Variants in HYI observed in about 807,000 individuals in gnomAD.
HYI encodes the protein hydroxypyruvate isomerase (putative).
A neutral mutation model predicts 39.7 loss-of-function variants in HYI; 47 were observed. That is an observed-to-expected ratio of 1.18 (90% confidence interval 0.94 to 1.51). The LOEUF (loss-of-function observed/expected upper bound fraction) is 1.51, where lower values mean the gene tolerates loss of function less well. Ranked by LOEUF, HYI falls within the 40% of genes most tolerant of loss-of-function variation. The pLI is 0.00. For missense variants in HYI, 465 were observed against 370.3 expected, an observed-to-expected ratio of 1.26 and a Z score of -2.10; for synonymous variants, 186 against 158.8, an observed-to-expected ratio of 1.17 and a Z score of -1.29.
intron 2 of HYI, chr1:43,452,903 A>G (rs1656595598): frequency 1.3e-6 from 2 of 1,599,388 alleles, no homozygotes; most frequent in South Asian, 1.1e-5. Context: ...GGCTACATAC[A>G]TGTCCAGCCT....
chr1:43,453,075 C>G, intron 2 of HYI: 3 of 899,396 alleles, frequency 3.3e-6, no homozygotes, highest in South Asian at 2.8e-5. Flanking sequence ...GGTGCCTACC[C>G]TGCTCCCACA....
At chr1:43,450,848 A>T (rs1202132349), downstream of HYI, 1 of 710,734 alleles carries the variant, frequency 1.4e-6, no homozygotes, top group Non-Finnish European at 2.6e-6. This position sits in a 1 kb window ranked among gnomAD's most constrained non-coding sequence, Gnocchi z 4.3. Flanking sequence ...GCCTTTGACC[A>T]CTGTCAGCCA....
Position 43,451,535 on chromosome 1 carries a change from T to G in HYI, c.635A>C (p.Gln212Pro). The change falls in exon 7 of 8, where the codon CAG becomes CCG. Residue 212 changes from glutamine (Q) to proline (P), a missense_variant. Physicochemically the swap from Gln to Pro is moderately conservative, Grantham distance 76 (BLOSUM62 -1). Transcript: ENST00000372430. The stretch of plus-strand genomic sequence containing the variant: ...CCCTCGGCCTGGGACCTGTGCCACC[T>G]GCACATGCCCTGGGGACAGATGTGG... ...REFLPIVGHV[Q>P]VAQVPGRGEP... The G allele has an allele frequency of 1.2e-6, 2 of 1,614,016 alleles. No individual in the cohort carries two copies. Among genetic ancestry groups the G allele is most frequent in the Non-Finnish European group, 1.7e-6 (2 of 1,179,964 alleles).
chr1:43,453,621 C>T lies in HYI; in HGVS notation c.173G>A (p.Arg58Gln), dbSNP rs1222145303. 10 of 1,500,114 alleles carry T rather than the reference C, an allele frequency of 6.7e-6. No individual in the cohort carries two copies. The Admixed American group carries it at 9.1e-5, about 14-fold the overall frequency. The allele number at this position is 1,500,114 out of a possible 1,614,324, so 92.9% of individuals were successfully genotyped here. ...CGGGGGCGTGTTGATCAGTACAAGC[C>T]GCAGCCCCGCTTCTCGCGCGGCGCG... ...LARAAREAGL[R>Q]LVLINTPPGD... The change falls in exon 1 of 8, where the codon CGG (arginine) becomes CAG (glutamine). Residue 58 changes from arginine (R) to glutamine (Q), a missense_variant. Arg to Gln is a conservative substitution (Grantham distance 43, BLOSUM62 1). Coordinates refer to ENST00000372430, the MANE Select transcript of HYI (RefSeq NM_001190880.3).
In HYI at chr1:43,453,768, T is replaced by C. The variant is rs1325311683; in HGVS notation, c.26A>G (p.Asn9Ser). 4 of 1,299,934 alleles carry C rather than the reference T, an allele frequency of 3.1e-6. No individual in the cohort carries two copies. The highest frequency in any genetic ancestry group is 3.1e-5 in the East Asian group (1 of 32,578). The allele number at this position is 1,299,934 out of a possible 1,614,324, so 80.5% of individuals were successfully genotyped here. Residue 9 changes from asparagine (N) to serine (S), a missense_variant, in exon 1 of 8, where the codon AAT (asparagine) becomes AGT (serine). Coordinates refer to ENST00000372430, the MANE Select transcript of HYI (RefSeq NM_001190880.3). ...GAGCTCGGGGAATAGCCAGGACAGA[T>C]TGGCGGAGAAGCGCAGCGGCGCCAT... Reference protein sequence around the residue: MAPLRFSANLSWLFPELSG... With the variant: MAPLRFSASLSWLFPELSG...
downstream of HYI, chr1:43,450,933 C>T (rs1656319688): frequency 1.3e-6 from 1 of 756,154 alleles, no homozygotes; most frequent in Non-Finnish European, 2.4e-6. This position sits in a 1 kb window ranked among gnomAD's most constrained non-coding sequence, Gnocchi z 4.3. Flanking sequence ...CGAGATGACA[C>T]CTGGGTTCCA....
In HYI at chr1:43,453,631, C is replaced by A. The variant is rs749053928; in HGVS notation, c.163G>T (p.Ala55Ser). The change falls in exon 1 of 8, where the codon GCG (alanine) becomes TCG (serine). Residue 55 changes from alanine to serine, a missense_variant. Coordinates refer to ENST00000372430, the MANE Select transcript of HYI (RefSeq NM_001190880.3). ...TTGATCAGTACAAGCCGCAGCCCCG[C>A]TTCTCGCGCGGCGCGCGCCAGCGCC... ...PEALARAARE[A>S]GLRLVLINTP... The A allele has an allele frequency of 5.2e-5, 77 of 1,494,524 alleles. No homozygotes were observed. Among genetic ancestry groups the A allele is most frequent in the Non-Finnish European group, 2.7e-6 (3 of 1,128,220 alleles). The allele number at this position is 1,494,524 out of a possible 1,614,324, so 92.6% of individuals were successfully genotyped here.
rs1325394167 is a variant in HYI at position 43,453,825 on chromosome 1, G to A, written c.-32C>T. The A allele has an allele frequency of 4.0e-6, 5 of 1,235,036 alleles. No individual in the cohort carries two copies. The highest frequency in any genetic ancestry group is 3.3e-5 in the East Asian group (1 of 30,586). 76.5% of individuals were successfully genotyped at this position (1,235,036 alleles called of 1,614,324 possible). A position where few individuals can be genotyped will look rare whatever the true frequency, so the allele number is the denominator to read the frequency against. ...GGAGGCCGGGCCGGGCGGAGTCCGC[G>A]GGATCCAAAGGCGGCGGGCGGCGGG... On this transcript the variant is annotated 5_prime_UTR_variant, in exon 1 of 8. Coordinates refer to ENST00000372430, the MANE Select transcript of HYI (RefSeq NM_001190880.3).
rs777511404 is a variant in HYI, at chr1:43,451,006, G to T, written c.*232C>A. 1 of 767,946 alleles carries T rather than the reference G, an allele frequency of 1.3e-6. No homozygotes were observed. The highest frequency in any genetic ancestry group is 2.4e-6 in the Non-Finnish European group (1 of 421,224). 47.6% of individuals were successfully genotyped at this position (767,946 alleles called of 1,614,324 possible). ...CAAGTCCCTTTGCTCTCGGACCCTG[G>T]GTTTCTCATCCTTTAATGAGGTGGG... On this transcript the variant is annotated 3_prime_UTR_variant, in exon 8 of 8. Coordinates refer to ENST00000372430, the MANE Select transcript of HYI (RefSeq NM_001190880.3).
chr1:43,453,646 G>A lies in HYI; in HGVS notation c.148C>T (p.Arg50Cys), dbSNP rs1163483145. The A allele has an allele frequency of 6.0e-6, 9 of 1,490,696 alleles. No homozygotes were observed. Among genetic ancestry groups the A allele is most frequent in the Middle Eastern group, 4.3e-4 (2 of 4,628 alleles). 92.3% of individuals were successfully genotyped at this position (1,490,696 alleles called of 1,614,324 possible). Residue 50 changes from arginine (R) to cysteine (C), a missense_variant, in exon 1 of 8, where the codon CGC (arginine) becomes TGC (cysteine). Coordinates refer to ENST00000372430, the MANE Select transcript of HYI (RefSeq NM_001190880.3). ...CGCAGCCCCGCTTCTCGCGCGGCGC[G>A]CGCCAGCGCCTCAGGCGTCTCCGCG... Reference protein sequence around the residue: ...PYAETPEALARAAREAGLRLV... With the variant: ...PYAETPEALACAAREAGLRLV...
chr1:43,451,838 A>C lies in HYI; in HGVS notation c.515T>G (p.Ile172Ser). ...GTTGGGTCTTCCTACCTTCTGTAAGATGGCTGCCGCTGTAAGAGAAGCCAG... is the reference window on the plus strand; with the variant it reads ...GTTGGGTCTTCCTACCTTCTGTAAGCTGGCTGCCGCTGTAAGAGAAGCCAG... ...FLDTPQQAAA[I>S]LQKVGRPNLQ... The change falls in exon 5 of 8, where the codon ATC becomes AGC. Residue 172 changes from isoleucine (I) to serine (S), a missense_variant. Coordinates refer to ENST00000372430, the MANE Select transcript of HYI (RefSeq NM_001190880.3). 1.2e-6 allele frequency: 2 copies of C among 1,614,036 alleles called. No homozygotes were observed. The highest frequency in any genetic ancestry group is 1.7e-6 in the Non-Finnish European group (2 of 1,179,966).
chr1:43,452,352 C>CAGT, intron 2 of HYI, 33 bp from the exon 3 acceptor site: 2 of 1,541,858 alleles, frequency 1.3e-6, no homozygotes, highest in Non-Finnish European at 1.8e-6. Context: ...GCCTTGCCTC[C>CAGT]CTTGGCTCTC....
chr1:43,453,603 G>A lies in HYI; in HGVS notation c.191C>T (p.Thr64Met), dbSNP rs1656701441. ...EAGLRLVLIN[T>M]PPGDQEKGEM... Reference sequence around the variant, plus strand: ...CCCGGCCCGCGACGCACCCGGGGGCGTGTTGATCAGTACAAGCCGCAGCCC... The same window carrying A: ...CCCGGCCCGCGACGCACCCGGGGGCATGTTGATCAGTACAAGCCGCAGCCC... Residue 64 changes from threonine to methionine, a missense_variant, in exon 1 of 8, where the codon ACG becomes ATG. By Grantham distance (81) the Thr-to-Met change is moderately conservative. Transcript: ENST00000372430. 1 of 1,527,686 alleles carries A rather than the reference G, an allele frequency of 6.5e-7. No individual in the cohort carries two copies. The highest frequency in any genetic ancestry group is 8.8e-7 in the Non-Finnish European group (1 of 1,138,390). The allele number at this position is 1,527,686 out of a possible 1,614,324, so 94.6% of individuals were successfully genotyped here. A position where few individuals can be genotyped will look rare whatever the true frequency, so the allele number is the denominator to read the frequency against.
At position 43,451,723 on chromosome 1, in the gene HYI, G is replaced by T. The variant is rs746076859; in HGVS notation, c.556-6C>A. The stretch of plus-strand genomic sequence containing the variant: ...ATCTGCCAGTGGAATATGTCCTAGG[G>T]AAGAGGATACTACATTCCGAGACCC... On this transcript the variant is annotated splice_polypyrimidine_tract_variant and splice_region_variant and intron_variant, in intron 5 of 7. Coordinates refer to ENST00000372430, the MANE Select transcript of HYI (RefSeq NM_001190880.3). The T allele has an allele frequency of 6.2e-7, 1 of 1,614,084 alleles. No individual in the cohort carries two copies. Among genetic ancestry groups the T allele is most frequent in the South Asian group, 1.1e-5 (1 of 91,076 alleles).
Position 43,452,306 on chromosome 1 carries a change from C to A in HYI, c.325G>T (p.Ala109Ser). 1 of 1,613,830 alleles carries A rather than the reference C, an allele frequency of 6.2e-7. No homozygotes were observed. Among genetic ancestry groups the A allele is most frequent in the Non-Finnish European group, 8.5e-7 (1 of 1,179,858 alleles). The change falls in exon 3 of 8, where the codon GCT (alanine) becomes TCT (serine). Residue 109 changes from alanine to serine, a missense_variant. Physicochemically the swap from Ala to Ser is moderately conservative, Grantham distance 99 (BLOSUM62 1). Coordinates refer to ENST00000372430, the MANE Select transcript of HYI (RefSeq NM_001190880.3). ...ALGCPRIHLMAGRVPQGADRI... is the reference protein window; with the variant it reads ...ALGCPRIHLMSGRVPQGADRI... ...TCAGCTCCCTGGGGTACTCGGCCAG[C>A]CATCAGGTGGATCCTGTGGGGAAGA...
Position 43,451,550 on chromosome 1 carries a change from G to A in HYI, c.626-6C>T. ...CTGTGCCACCTGCACATGCCCTGGG[G>A]ACAGATGTGGACAAATGTGGGGTCC... On this transcript the variant is annotated splice_region_variant and splice_polypyrimidine_tract_variant and intron_variant, in intron 6 of 7. Coordinates refer to ENST00000372430, the MANE Select transcript of HYI (RefSeq NM_001190880.3). 6.2e-7 allele frequency: 1 copy of A among 1,613,664 alleles called. No individual in the cohort carries two copies. Among genetic ancestry groups the A allele is most frequent in the Non-Finnish European group, 8.5e-7 (1 of 1,179,692 alleles).
chr1:43,451,945 C>A lies in HYI; in HGVS notation c.495G>T (p.Thr165=). The part of the protein sequence containing the change: ...RITDPQYFLD[T]PQQAAAILQK... The stretch of plus-strand genomic sequence containing the variant: ...GGGCTGGGGTCGTACCCTGCTGGGG[C>A]GTGTCCAGGAAGTACTGGGGGTCAG... Residue 165 remains threonine (T), a synonymous_variant, in exon 4 of 8, where the codon ACG becomes ACT. Coordinates refer to ENST00000372430, the MANE Select transcript of HYI (RefSeq NM_001190880.3). The A allele has an allele frequency of 6.2e-7, 1 of 1,612,136 alleles. No individual in the cohort carries two copies. The highest frequency in any genetic ancestry group is 8.5e-7 in the Non-Finnish European group (1 of 1,178,552).
In HYI at chr1:43,452,143, C is replaced by T; in HGVS notation, c.426+62G>A. On this transcript the variant is annotated intron_variant, in intron 3 of 7. Coordinates refer to ENST00000372430, the MANE Select transcript of HYI (RefSeq NM_001190880.3). ...AGCCTCACGTGCTGTCCCCACTGTGCACCCCCTTCTCCGCACACCCACAGA... is the reference window on the plus strand; with the variant it reads ...AGCCTCACGTGCTGTCCCCACTGTGTACCCCCTTCTCCGCACACCCACAGA... The T allele has an allele frequency of 3.3e-6, 5 of 1,511,668 alleles. No individual in the cohort carries two copies. In the South Asian group the frequency reaches 5.8e-5, roughly 17 times the overall value. The allele number at this position is 1,511,668 out of a possible 1,614,324, so 93.6% of individuals were successfully genotyped here.
Position 43,452,323 on chromosome 1 carries a change from T to TG in HYI, c.312-5dup, listed in dbSNP as rs765718623. ...TCGGCCAGCCATCAGGTGGATCCTG[T>TG]GGGGAAGATGGACTGGAGGCCTTGC... On this transcript the variant is annotated splice_polypyrimidine_tract_variant and splice_region_variant and intron_variant, in intron 2 of 7. Coordinates refer to ENST00000372430, the MANE Select transcript of HYI (RefSeq NM_001190880.3). 5 of 1,610,104 alleles carry TG rather than the reference T, an allele frequency of 3.1e-6. No individual in the cohort carries two copies. Among genetic ancestry groups the TG allele is most frequent in the Non-Finnish European group, 4.2e-6 (5 of 1,176,956 alleles).
Sources: allele counts gnomAD v4.1 joint callset, GRCh38; gene constraint gnomAD v4.1.1; non-coding constraint Gnocchi (gnomAD v3.1); transcripts MANE v1.5; gene names NCBI Gene and HGNC (gene_info 2026-07-23, HGNC 2026-07-21).